Variants in SBDS observed in about 807,000 individuals in gnomAD.
The protein encoded by SBDS is ribosome maturation protein SBDS.
Under a neutral mutation model 26.4 loss-of-function variants are expected in SBDS, and 20 were observed. That is an observed-to-expected ratio of 0.76 (90% confidence interval 0.53 to 1.10). SBDS has a LOEUF of 1.10. Ranked by LOEUF, SBDS falls within the 50% of genes least tolerant of loss-of-function variation. The probability of loss-of-function intolerance (pLI) is 0.00; values close to 1 mark genes in which losing one functional copy is unlikely to be tolerated. For synonymous variants in SBDS, 95 were observed against 105.1 expected (o/e 0.90, Z 0.59); for missense variants, 241 against 302.0 (o/e 0.80, Z 1.50).
chr7:66,988,502 G>A lies in SBDS; in HGVS notation c.625-3C>T, dbSNP rs1021453042. 3 of 1,613,182 alleles carry A rather than the reference G, an allele frequency of 1.9e-6. No homozygotes were observed. Reference sequence around the variant, plus strand: ...CAGCCCGGGTCAATCAGACATACCTGAAACATTTAACGTAGCAGATTACCA... The same window carrying A: ...CAGCCCGGGTCAATCAGACATACCTAAAACATTTAACGTAGCAGATTACCA... On this transcript the variant is annotated splice_polypyrimidine_tract_variant and splice_region_variant and intron_variant, in intron 4 of 4. Coordinates refer to ENST00000246868, the MANE Select transcript of SBDS (RefSeq NM_016038.4).
rs1793017062 is a variant in SBDS, at chr7:66,993,385, A to T, written c.291T>A (p.Asp97Glu). The change falls in exon 3 of 5, where the codon GAT becomes GAA. Residue 97 changes from aspartate (D) to glutamate (E), a missense_variant. Coordinates refer to ENST00000246868, the MANE Select transcript of SBDS (RefSeq NM_016038.4). ...GCTCCAGTTGTGTGTGTCTTTCTTT[A>T]TCTGATACTTGAACTTCTCCTTTAG... ...ILTKGEVQVS[D>E]KERHTQLEQM... is the part of the protein sequence containing the mutation. 1 of 1,613,986 alleles carries T rather than the reference A, an allele frequency of 6.2e-7. No homozygotes were observed. The highest frequency in any genetic ancestry group is 1.7e-5 in the Admixed American group (1 of 59,996).
At chr7:66,989,547 AAAATAAAT>A (rs76824519) in intron 4 of SBDS, among the ~76,000 whole-genome samples, 17 of 151,578 alleles carry the variant, frequency 1.1e-4, no homozygotes, top group East Asian at 7.8e-4. Flanking sequence ...CCCTGTCTCA[AAAATAAAT>A]AAATAAATAA....
intron 4 of SBDS, among the ~76,000 whole-genome samples, chr7:66,989,394 A>G (rs998816154): frequency 1.3e-5 from 2 of 151,614 alleles, no homozygotes; most frequent in African/African-American, 4.8e-5. Context: ...AAAAATACAA[A>G]ATTAGCTGGG....
At chr7:66,995,078 AC>A (rs1769934959) in intron 1 of SBDS, 1 of 639,490 alleles carries the variant, frequency 1.6e-6, no homozygotes, top group Admixed American at 3.0e-5. Context: ...CCCCAAACCA[AC>A]AACCCAATCC....
At chr7:66,990,370 T>C (rs1792949833) in intron 4 of SBDS, among the ~76,000 whole-genome samples, 1 of 152,246 alleles carries the variant, frequency 6.6e-6, no homozygotes, top group Non-Finnish European at 1.5e-5. Context: ...GTTCAGGCTT[T>C]GGACTTTAGA....
intron 4 of SBDS, among the ~76,000 whole-genome samples, chr7:66,990,166 T>C (rs1177911853): frequency 2.6e-5 from 4 of 152,142 alleles, no homozygotes; most frequent in Non-Finnish European, 5.9e-5. Context: ...ATTACAGGCA[T>C]GTGCCACCAC....
At chr7:66,995,140 A>G in intron 1 of SBDS, 150 bp downstream of exon 1, 1 of 1,092,784 alleles carries the variant, frequency 9.2e-7, no homozygotes, top group South Asian at 1.4e-5. Flanking sequence ...AAGCTCGGAC[A>G]GCGACGTCTC....
chr7:66,988,529 A>T (rs1205838491), intron 4 of SBDS, 30 bp from the exon 5 acceptor site: 3 of 1,610,802 alleles, frequency 1.9e-6, no homozygotes, highest in Non-Finnish European at 2.5e-6. Context: ...AGATTACCAC[A>T]TGAGGATGAG....
Position 66,993,280 on chromosome 7 carries a change from AAG to A in SBDS, c.394_395del (p.Leu132TyrfsTer2), listed in dbSNP as rs1354340064. Reference sequence around the variant, plus strand: ...GGATGTCCTTCATGGCTCTCTCAATAAGGATCACGGTGTATGGTCTCTTTGTT... The same window carrying A: ...GGATGTCCTTCATGGCTCTCTCAATAGATCACGGTGTATGGTCTCTTTGTT... The part of the protein sequence containing the change: ...PETKRPYTVI[L>X]IERAMKDIHY... On this transcript the variant is annotated frameshift_variant, in exon 3 of 5. Coordinates refer to ENST00000246868, the MANE Select transcript of SBDS (RefSeq NM_016038.4). LOFTEE classifies it high-confidence loss of function. 1 of 1,614,034 alleles carries A rather than the reference AAG, an allele frequency of 6.2e-7. No individual in the cohort carries two copies. Among genetic ancestry groups the A allele is most frequent in the African/African-American group, 1.3e-5 (1 of 74,932 alleles).
chr7:66,988,526 C>T (rs1350020989), intron 4 of SBDS, 27 bp from the exon 5 acceptor site: 10 of 1,611,382 alleles, frequency 6.2e-6, no homozygotes, highest in Non-Finnish European at 7.6e-6. Context: ...AGCAGATTAC[C>T]ACATGAGGAT....
At chr7:66,994,606 C>T (rs10225447) in intron 1 of SBDS, among the ~76,000 whole-genome samples, 4,089 of 151,890 alleles carry the variant, frequency 0.027, 162 homozygotes, top group African/African-American at 0.088. Context: ...GTGATTCTCC[C>T]GCCTCAGCCT....
Position 66,988,475 on chromosome 7 carries a change from A to T in SBDS, c.649T>A (p.Phe217Ile), listed in dbSNP as rs1435330599. ...TTTATTAGCTCATCAATTTCTCGGAAGCAGCCCGGGTCAATCAGACATACC... is the reference window on the plus strand; with the variant it reads ...TTTATTAGCTCATCAATTTCTCGGATGCAGCCCGGGTCAATCAGACATACC... Reference protein sequence around the residue: ...EIVCLIDPGCFREIDELIKKE... With the variant: ...EIVCLIDPGCIREIDELIKKE... The change falls in exon 5 of 5, where the codon TTC (phenylalanine) becomes ATC (isoleucine). Residue 217 changes from phenylalanine (F) to isoleucine (I), a missense_variant. Physicochemically the swap from Phe to Ile is conservative, Grantham distance 21. Coordinates refer to ENST00000246868, the MANE Select transcript of SBDS (RefSeq NM_016038.4). The T allele has an allele frequency of 6.2e-7, 1 of 1,613,764 alleles. No individual in the cohort carries two copies. Among genetic ancestry groups the T allele is most frequent in the African/African-American group, 1.3e-5 (1 of 74,908 alleles).
chr7:66,992,633 C>T (rs976382406), intron 3 of SBDS, among the ~76,000 whole-genome samples: 11 of 152,060 alleles, frequency 7.2e-5, no homozygotes, highest in African/African-American at 2.7e-4. Flanking sequence ...ACAACCCCGT[C>T]CTTTTCCTCC....
At chr7:66,993,475 A>G in intron 2 of SBDS, 58 bp from the exon 3 acceptor site, 1 of 1,335,518 alleles carries the variant, frequency 7.5e-7, no homozygotes, top group Admixed American at 1.7e-5. Context: ...CACACTATTT[A>G]TTAACTAACC....
rs891263695 is a variant in SBDS at position 66,995,512 on chromosome 7, G to C, written c.-95C>G. The C allele has an allele frequency of 1.2e-5, 19 of 1,589,278 alleles. No homozygotes were observed. The highest frequency in any genetic ancestry group is 1.0e-4 in the Admixed American group (6 of 57,812). The stretch of plus-strand genomic sequence containing the variant: ...AGCGCCTCGCGGTAACGACCGATCG[G>C]CGCGCGGCACTGACCCAACCACCAG... On this transcript the variant is annotated 5_prime_UTR_variant, in exon 1 of 5. Coordinates refer to ENST00000246868, the MANE Select transcript of SBDS (RefSeq NM_016038.4).
At chr7:66,994,453 C>G (rs1217849586) in intron 1 of SBDS, 112 bp from the exon 2 acceptor site, 28 of 978,272 alleles carry the variant, frequency 2.9e-5, no homozygotes, top group Non-Finnish European at 3.9e-5. Context: ...AACAAATCCC[C>G]CTGATGACCT....
chr7:66,993,156 G>T, intron 3 of SBDS, 61 bp downstream of exon 3: 1 of 1,447,962 alleles, frequency 6.9e-7, no homozygotes. Flanking sequence ...TTATTTTAAT[G>T]ATTTCTTCAG....
At position 66,990,422 on chromosome 7, in the gene SBDS, T is replaced by G. The variant is rs561515897; in HGVS notation, c.624+715A>C. Among the ~76,000 whole-genome samples, 6 of 152,296 alleles carry G rather than the reference T, an allele frequency of 3.9e-5. No homozygotes were observed. In the South Asian group the frequency reaches 1.2e-3, roughly 32 times the overall value. On this transcript the variant is annotated intron_variant, in intron 4 of 4. Coordinates refer to ENST00000246868, the MANE Select transcript of SBDS (RefSeq NM_016038.4). ...TGATTTCAACATTGGGATTGTGGCA[T>G]TTGGGATTGTCTTTTAGGATTATGA... is the stretch of plus-strand genomic sequence containing the variant.
rs1284994162 is a variant in SBDS, at chr7:66,995,484, A to G, written c.-67T>C. On this transcript the variant is annotated 5_prime_UTR_variant, in exon 1 of 5. Coordinates refer to ENST00000246868, the MANE Select transcript of SBDS (RefSeq NM_016038.4). ...ACCCGCGCCGTCCAGCCTGAAGGCC[A>G]CCAGCGCCTCGCGGTAACGACCGAT... 13 of 1,608,790 alleles carry G rather than the reference A, an allele frequency of 8.1e-6. No homozygotes were observed. The highest frequency in any genetic ancestry group is 1.7e-5 in the Admixed American group (1 of 59,862).
Sources: gnomAD v4.1 joint callset for allele counts (sites outside exome capture counted in the v4.1 genomes callset) on GRCh38, gnomAD v4.1.1 for gene constraint, MANE v1.5 for transcripts, NCBI Gene and HGNC (gene_info 2026-07-23, HGNC 2026-07-21) for gene names.